Variants in MTURN observed in about 807,000 individuals in gnomAD.
MTURN encodes maturin.
In MTURN, 7 loss-of-function variants were observed where a neutral mutation model predicts 14.9. The observed-to-expected ratio is 0.47, with a 90% confidence interval of 0.27 to 0.88. The LOEUF is 0.88. Ranked by LOEUF, MTURN falls within the 40% of genes least tolerant of loss-of-function variation. The pLI, the probability that MTURN is intolerant of heterozygous loss-of-function variation, is 0.14. For synonymous variants in MTURN, 69 were observed against 72.5 expected, an observed-to-expected ratio of 0.95 and a Z score of 0.25; for missense variants, 151 against 174.1, an observed-to-expected ratio of 0.87 and a Z score of 0.75.
chr7:30,150,655 C>T (rs1353387138), intron 2 of MTURN, among the ~76,000 whole-genome samples: 1 of 152,190 alleles, frequency 6.6e-6, no homozygotes, highest in South Asian at 2.1e-4. Context: ...TGTGAGCAGG[C>T]TCATTGAGGA....
rs1583502925 is a variant in MTURN at position 30,140,559 on chromosome 7, T to C, written c.162+5261T>C. Among the ~76,000 whole-genome samples the C allele has an allele frequency of 2.0e-5, 3 of 152,244 alleles. No individual in the cohort carries two copies. The South Asian group carries it at 6.2e-4, about 32-fold the overall frequency. ...CTGGTATAGTGGAGAGAAAGTACTT[T>C]CTTGTTGATTTAAACTCTACCCTGT... On this transcript the variant is annotated intron_variant, in intron 1 of 2. Coordinates refer to ENST00000324453, the MANE Select transcript of MTURN (RefSeq NM_152793.3).
At chr7:30,140,415 G>GTGTATATATATATATATATATATATATA (rs33952294) in intron 1 of MTURN, among the ~76,000 whole-genome samples, 22 of 143,814 alleles carry the variant, frequency 1.5e-4, no homozygotes, top group African/African-American at 5.1e-4. Context: ...GTGTGTGTGT[G>GTGTATATATATATATATATATATATATA]TATCCCCATT....
intron 2 of MTURN, 80 bp from the exon 3 acceptor site, chr7:30,157,358 G>C: frequency 8.2e-7 from 1 of 1,218,292 alleles, no homozygotes; most frequent in South Asian, 1.6e-5. Context: ...CTTTAATGTG[G>C]ATCCGATGCC....
chr7:30,147,029 A>G (rs1049438059), intron 2 of MTURN, among the ~76,000 whole-genome samples: 1 of 152,106 alleles, frequency 6.6e-6, no homozygotes, highest in African/African-American at 2.4e-5. Context: ...GTTCAGTGGT[A>G]TTTGCTAGAA....
At chr7:30,151,638 C>T (rs895362709) in intron 2 of MTURN, among the ~76,000 whole-genome samples, 6 of 152,184 alleles carry the variant, frequency 3.9e-5, no homozygotes, top group African/African-American at 1.4e-4. Context: ...ATTGCTTCCT[C>T]GAGTGTGTTC....
intron 2 of MTURN, among the ~76,000 whole-genome samples, chr7:30,156,730 CAGG>C (rs763769827): frequency 6.6e-6 from 1 of 151,806 alleles, no homozygotes; most frequent in Non-Finnish European, 1.5e-5. Context: ...GAGGTTGAGG[CAGG>C]AGAATTGCTT....
intron 1 of MTURN, chr7:30,137,157 C>T (rs1199142389): frequency 6.4e-6 from 1 of 157,004 alleles, no homozygotes; most frequent in Non-Finnish European, 1.4e-5. Context: ...GCACCAGAAT[C>T]CAGCTGACTG....
intron 1 of MTURN, chr7:30,145,827 T>C: frequency 6.5e-7 from 1 of 1,532,696 alleles, no homozygotes; most frequent in Admixed American, 2.2e-5. Flanking sequence ...AGGCTCTGGT[T>C]TCTCCTTCCC....
intron 2 of MTURN, among the ~76,000 whole-genome samples, chr7:30,155,930 C>G (rs1797280491): frequency 6.6e-6 from 1 of 152,214 alleles, no homozygotes; most frequent in South Asian, 2.1e-4. Flanking sequence ...GGTCAGTCTT[C>G]TTTTTACTGT....
chr7:30,155,894 A>C (rs1797279893), intron 2 of MTURN, among the ~76,000 whole-genome samples: 1 of 152,202 alleles, frequency 6.6e-6, no homozygotes, highest in Admixed American at 6.5e-5. Flanking sequence ...GCAGGACACC[A>C]GGGAGGCAAT....
chr7:30,141,438 A>G (rs1797051655), intron 1 of MTURN: 1 of 151,866 alleles, frequency 6.6e-6, no homozygotes, highest in South Asian at 2.1e-4. Context: ...AAAAAAGAGA[A>G]AAAAAGAAAT....
chr7:30,138,543 G>A (rs530589160), intron 1 of MTURN, among the ~76,000 whole-genome samples: 16 of 152,080 alleles, frequency 1.1e-4, no homozygotes, highest in Admixed American at 2.0e-4. Context: ...ATTTTTCATC[G>A]TGTCTCCTAA....
chr7:30,146,008 C>T (rs563079913), intron 1 of MTURN, 169 bp from the exon 2 acceptor site: 3 of 1,549,554 alleles, frequency 1.9e-6, no homozygotes, highest in East Asian at 2.4e-5. Context: ...ATTTTTTCTT[C>T]CCTTTCAACG....
chr7:30,153,572 C>T (rs552254983), intron 2 of MTURN, among the ~76,000 whole-genome samples: 7 of 152,130 alleles, frequency 4.6e-5, no homozygotes, highest in Non-Finnish European at 1.0e-4. Flanking sequence ...TGACTCTAGG[C>T]AAGTTACTCA....
At position 30,146,172 on chromosome 7, in the gene MTURN, C is replaced by T. The variant is rs373892876; in HGVS notation, c.163-5C>T. ...TTTCTCCTTCCGTCGCCCGTGGGCACGCAGCACGTGTGGAGTGAGAGCGAG... is the reference window on the plus strand; with the variant it reads ...TTTCTCCTTCCGTCGCCCGTGGGCATGCAGCACGTGTGGAGTGAGAGCGAG... On this transcript the variant is annotated splice_polypyrimidine_tract_variant and splice_region_variant and intron_variant, in intron 1 of 2. Coordinates refer to ENST00000324453, the MANE Select transcript of MTURN (RefSeq NM_152793.3). 29 of 1,613,646 alleles carry T rather than the reference C, an allele frequency of 1.8e-5. No homozygotes were observed. The highest frequency in any genetic ancestry group is 1.6e-4 in the African/African-American group (12 of 74,904).
At chr7:30,155,528 A>G (rs1797273809) in intron 2 of MTURN, among the ~76,000 whole-genome samples, 1 of 152,152 alleles carries the variant, frequency 6.6e-6, no homozygotes, top group Non-Finnish European at 1.5e-5. Flanking sequence ...AGCCGGAAAA[A>G]GAGACTTTCT....
chr7:30,136,578 C>T lies in MTURN; in HGVS notation c.162+1280C>T, dbSNP rs529355942. On this transcript the variant is annotated intron_variant, in intron 1 of 2. Transcript: ENST00000324453. ...GAAGGAGTTAGGGAGACTGCAAGACCGCCTTTCTTGGTCCTGGAGAGGTGA... is the reference window on the plus strand; with the variant it reads ...GAAGGAGTTAGGGAGACTGCAAGACTGCCTTTCTTGGTCCTGGAGAGGTGA... Among the ~76,000 whole-genome samples, 4 of 152,230 alleles carry T rather than the reference C, an allele frequency of 2.6e-5. No individual in the cohort carries two copies. The East Asian group carries it at 7.7e-4, about 29-fold the overall frequency.
At chr7:30,135,480 C>A (rs915433706) in intron 1 of MTURN, among the ~76,000 whole-genome samples, 182 bp downstream of exon 1, 3 of 151,268 alleles carry the variant, frequency 2.0e-5, no homozygotes, top group African/African-American at 7.3e-5. Flanking sequence ...GGCTCCGCTG[C>A]CCGGGTGGGG....
chr7:30,147,089 C>T (rs1015810221), intron 2 of MTURN, among the ~76,000 whole-genome samples: 6 of 152,202 alleles, frequency 3.9e-5, no homozygotes, highest in Non-Finnish European at 7.3e-5. Flanking sequence ...TTCTCTGCTG[C>T]GTTTTTCAAG....
Sources: allele counts gnomAD v4.1 joint callset (sites outside exome capture counted in the v4.1 genomes callset), GRCh38; gene constraint gnomAD v4.1.1; transcripts MANE v1.5; gene names NCBI Gene and HGNC (gene_info 2026-07-23, HGNC 2026-07-21).